SECISBP2: variants seen among roughly 807,000 people sequenced by gnomAD.
The protein encoded by SECISBP2 is selenocysteine insertion sequence-binding protein 2.
In SECISBP2, 96 loss-of-function variants were observed where a neutral mutation model predicts 98.2. The ratio of observed to expected loss-of-function variants is 0.98; its 90% confidence interval spans 0.83 to 1.16. The LOEUF (loss-of-function observed/expected upper bound fraction) is 1.16. Among genes scored for constraint, SECISBP2 ranks in the 50% most tolerant of loss-of-function variants. The probability of loss-of-function intolerance (pLI) is 0.00; values close to 1 mark genes in which losing one functional copy is unlikely to be tolerated. For missense variants in SECISBP2, 1,046 were observed against 1,022.9 expected (o/e 1.02, Z -0.31); for synonymous variants, 407 against 370.2 (o/e 1.10, Z -1.14).
In SECISBP2 at chr9:89,341,492, T is replaced by C. The variant is rs757785253; in HGVS notation, c.1435+13T>C. The C allele has an allele frequency of 6.2e-7, 1 of 1,613,852 alleles. No individual in the cohort carries two copies. Among genetic ancestry groups the C allele is most frequent in the Non-Finnish European group, 8.5e-7 (1 of 1,179,960 alleles). Reference sequence around the variant, plus strand: ...GTGGTAGTCTCAGGTAAGAGAGTCTTTCCATCTCAGGCAAGTGATTGGAAG... The same window carrying C: ...GTGGTAGTCTCAGGTAAGAGAGTCTCTCCATCTCAGGCAAGTGATTGGAAG... On this transcript the variant is annotated intron_variant, in intron 10 of 16. Transcript: ENST00000375807.
At chr9:89,333,727 G>A (rs980095687) in intron 6 of SECISBP2, among the ~76,000 whole-genome samples, 1 of 152,228 alleles carries the variant, frequency 6.6e-6, no homozygotes. Flanking sequence ...TGGCCAAGAA[G>A]TAATATTTTC....
rs566924627 is a variant in SECISBP2 at position 89,340,157 on chromosome 9, CTT to C, written c.1302+205_1302+206del. On this transcript the variant is annotated intron_variant, in intron 9 of 16. Transcript: ENST00000375807. ...AAGATTTTATTATTTGATAATAAGA[CTT>C]ATTTTATAAGATTATTATTTTATAA... 2.6e-4 allele frequency among the ~76,000 whole-genome samples: 39 copies of C among 152,122 alleles called. No individual in the cohort carries two copies. The South Asian group carries it at 7.9e-3, about 31-fold the overall frequency.
chr9:89,358,698 C>T (rs28570640), intron 16 of SECISBP2, 23 bp from the exon 17 acceptor site: 15,627 of 1,508,640 alleles, frequency 0.01, 119 homozygotes, highest in Middle Eastern at 0.024. Context: ...CTATTCCTCA[C>T]TCGTGCTGTT....
intron 7 of SECISBP2, 127 bp from the exon 8 acceptor site, chr9:89,338,331 A>G: frequency 8.9e-7 from 1 of 1,126,890 alleles, no homozygotes; most frequent in Middle Eastern, 2.9e-4. Flanking sequence ...GGGATGAGGA[A>G]CCTAATTCTG....
intron 9 of SECISBP2, among the ~76,000 whole-genome samples, chr9:89,340,999 T>TA (rs1829569872): frequency 6.6e-6 from 1 of 152,232 alleles, no homozygotes. Context: ...GAGGCGATAG[T>TA]ACTAACCAAG....
chr9:89,357,547 C>G lies in SECISBP2; in HGVS notation c.2250C>G (p.Phe750Leu). ...KAVPVSVVGI[F>L]SYDGAQDQFH... The stretch of plus-strand genomic sequence containing the variant: ...TTCCTGTCAGTGTGGTGGGGATCTT[C>G]AGCTATGATGGGGCCCAGGTGAGTG... Residue 750 changes from phenylalanine (F) to leucine (L), a missense_variant, in exon 15 of 17, where the codon TTC (phenylalanine) becomes TTG (leucine). Phe to Leu is a conservative substitution (Grantham distance 22). Transcript: ENST00000375807. 6.2e-7 allele frequency: 1 copy of G among 1,613,880 alleles called. No homozygotes were observed. Among genetic ancestry groups the G allele is most frequent in the Non-Finnish European group, 8.5e-7 (1 of 1,180,008 alleles).
At chr9:89,353,864 C>A (rs554266686) in intron 14 of SECISBP2, among the ~76,000 whole-genome samples, 1 of 152,288 alleles carries the variant, frequency 6.6e-6, no homozygotes, top group South Asian at 2.1e-4. Flanking sequence ...ACTTAAAATG[C>A]ATTTGTGTAA....
In SECISBP2 at chr9:89,348,072, T is replaced by A; in HGVS notation, c.1603-7T>A. On this transcript the variant is annotated splice_region_variant and splice_polypyrimidine_tract_variant and intron_variant, in intron 11 of 16. Coordinates refer to ENST00000375807, the MANE Select transcript of SECISBP2 (RefSeq NM_024077.5). ...TAGGCATTTTAATTGTTTATTTAAT[T>A]TTTAAGATTATTTTGAAAGAACGGC... The A allele has an allele frequency of 6.2e-7, 1 of 1,610,224 alleles. No homozygotes were observed. The highest frequency in any genetic ancestry group is 1.1e-5 in the South Asian group (1 of 90,890).
chr9:89,366,169 A>G, the SECISBP2 span, among the ~76,000 whole-genome samples: 2 of 152,354 alleles, frequency 1.3e-5, no homozygotes, highest in South Asian at 2.1e-4. Flanking sequence ...TAAGTGAAAC[A>G]ATATCTAGGA....
intron 4 of SECISBP2, 36 bp downstream of exon 4, chr9:89,326,074 TACTCCTTGTGCCCCA>T (rs1564330243): frequency 6.2e-7 from 1 of 1,602,756 alleles, no homozygotes; most frequent in East Asian, 2.2e-5. Context: ...AATGCGAGCC[TACTCCTTGTGCCCCA>T]GAAACATTCC....
intron 10 of SECISBP2, among the ~76,000 whole-genome samples, chr9:89,345,024 G>A (rs1445670274): frequency 6.6e-6 from 1 of 152,140 alleles, no homozygotes; most frequent in Non-Finnish European, 1.5e-5. Context: ...ACTTCCTTTG[G>A]TATTAGTGAC....
At chr9:89,325,733 T>A in intron 3 of SECISBP2, 57 bp downstream of exon 3, 1 of 1,610,632 alleles carries the variant, frequency 6.2e-7, no homozygotes, top group Non-Finnish European at 8.5e-7. Flanking sequence ...ATGTTTAAAA[T>A]GTAAAGAAAT....
At chr9:89,333,924 G>C (rs1035661351) in intron 6 of SECISBP2, 77 of 582,032 alleles carry the variant, frequency 1.3e-4, no homozygotes, top group Non-Finnish European at 1.6e-4. Context: ...GTTCTCTAGT[G>C]AGGGGAACAG....
intron 4 of SECISBP2, among the ~76,000 whole-genome samples, chr9:89,327,177 A>C (rs995866877): frequency 6.6e-6 from 1 of 152,076 alleles, no homozygotes; most frequent in Non-Finnish European, 1.5e-5. Flanking sequence ...AAAAAAAAAA[A>C]AGATATAAAA....
chr9:89,340,409 C>A (rs1829479138), intron 9 of SECISBP2, among the ~76,000 whole-genome samples: 1 of 152,152 alleles, frequency 6.6e-6, no homozygotes, highest in African/African-American at 2.4e-5. Flanking sequence ...TACTCCACCA[C>A]CTACCCCGTA....
At chr9:89,344,852 G>T (rs530843094) in intron 10 of SECISBP2, among the ~76,000 whole-genome samples, 7 of 152,290 alleles carry the variant, frequency 4.6e-5, no homozygotes, top group African/African-American at 1.4e-4. Flanking sequence ...AAACACTGCA[G>T]TGTTGGAACT....
intron 14 of SECISBP2, among the ~76,000 whole-genome samples, chr9:89,353,192 C>G (rs544478319): frequency 7.2e-5 from 11 of 152,278 alleles, no homozygotes; most frequent in African/African-American, 2.6e-4. Context: ...CCAGTGGGCC[C>G]AAGAATTTGT....
At chr9:89,318,744 T>A in intron 1 of SECISBP2, 132 bp downstream of exon 1, 1 of 1,229,286 alleles carries the variant, frequency 8.1e-7, no homozygotes, top group Non-Finnish European at 1.0e-6. Flanking sequence ...GGGAGCGCCC[T>A]ACCGGGTGGC....
intron 14 of SECISBP2, among the ~76,000 whole-genome samples, chr9:89,354,362 G>A (rs1411112056): frequency 6.6e-6 from 1 of 152,190 alleles, no homozygotes; most frequent in Non-Finnish European, 1.5e-5. Flanking sequence ...AGAGGCACAT[G>A]GGGTTAAATG....
Sources: gnomAD v4.1 joint callset for allele counts (sites outside exome capture counted in the v4.1 genomes callset) on GRCh38, gnomAD v4.1.1 for gene constraint, MANE v1.5 for transcripts, NCBI Gene and HGNC (gene_info 2026-07-23, HGNC 2026-07-21) for gene names.